SRGAP3: variants seen among roughly 807,000 people sequenced by gnomAD.
The protein encoded by SRGAP3 is SLIT-ROBO Rho GTPase activating protein 3.
In SRGAP3, 39 loss-of-function variants were observed where a neutral mutation model predicts 121.1. The ratio of observed to expected loss-of-function variants is 0.32; its 90% CI spans 0.25 to 0.42. SRGAP3 has a LOEUF of 0.42. SRGAP3 is among the 10% of genes least tolerant of loss of function. SRGAP3 has a pLI of 1.00. For missense variants in SRGAP3, 1,213 were observed against 1,470.6 expected, an observed-to-expected ratio of 0.82 and a Z score of 2.86; for synonymous variants, 601 against 570.0, an observed-to-expected ratio of 1.05 and a Z score of -0.77.
intron 2 of SRGAP3, among the ~76,000 whole-genome samples, chr3:9,111,698 A>G (rs1202694642): frequency 6.6e-6 from 1 of 152,148 alleles, no homozygotes; most frequent in Admixed American, 6.5e-5. Context: ...CCCCTTTGGA[A>G]AGTGGAACCC....
intron 12 of SRGAP3, 132 bp from the exon 13 acceptor site, chr3:9,027,127 C>T: frequency 1.2e-6 from 1 of 842,872 alleles, no homozygotes; most frequent in Non-Finnish European, 2.1e-6. Context: ...AAGCAAGGAA[C>T]TGCTAATCCT....
At chr3:9,186,003 T>C (rs1951585829) in intron 1 of SRGAP3, among the ~76,000 whole-genome samples, 3 of 152,196 alleles carry the variant, frequency 2.0e-5, no homozygotes. Context: ...AGCTAAGTGT[T>C]GGGAAAGTTC....
At chr3:9,327,049 A>G (rs1463518336) in intron 2 of SRGAP3, among the ~76,000 whole-genome samples, 3 of 151,940 alleles carry the variant, frequency 2.0e-5, no homozygotes, top group East Asian at 3.9e-4. Context: ...ATTACATAAA[A>G]ATCATTTTTA....
chr3:8,993,161 G>A (rs1266977929), intron 19 of SRGAP3, 106 bp from the exon 20 acceptor site: 2 of 1,559,492 alleles, frequency 1.3e-6, no homozygotes, highest in Admixed American at 3.5e-5. Flanking sequence ...ACAACTTATG[G>A]TTACTTTGTG....
intron 2 of SRGAP3, among the ~76,000 whole-genome samples, chr3:9,121,866 C>T (rs1214822043): frequency 2.0e-5 from 3 of 152,218 alleles, no homozygotes; most frequent in Non-Finnish European, 4.4e-5. Context: ...GACTTGCTGG[C>T]TCCAGTGGCC....
At chr3:9,206,477 C>G (rs570731376) in intron 1 of SRGAP3, among the ~76,000 whole-genome samples, 12 of 152,328 alleles carry the variant, frequency 7.9e-5, no homozygotes, top group African/African-American at 2.9e-4. Flanking sequence ...AGTCACAAAT[C>G]CCCCTGACTG....
chr3:9,203,435 T>G (rs112614316), intron 1 of SRGAP3, among the ~76,000 whole-genome samples: 61 of 152,226 alleles, frequency 4.0e-4, no homozygotes, highest in African/African-American at 1.5e-3. Flanking sequence ...ACAACTATCT[T>G]GTTCATTTAT....
chr3:9,024,051 G>C (rs1311192723), intron 14 of SRGAP3, among the ~76,000 whole-genome samples: 1 of 152,190 alleles, frequency 6.6e-6, no homozygotes, highest in Admixed American at 6.5e-5. Flanking sequence ...TGGGGTGGTA[G>C]GGGAGCTAGG....
intron 21 of SRGAP3, among the ~76,000 whole-genome samples, chr3:8,989,294 TG>T (rs927044546): frequency 2.0e-5 from 3 of 152,214 alleles, no homozygotes; most frequent in East Asian, 3.9e-4. Flanking sequence ...TCCTCAAGTA[TG>T]GGGGGGACCA....
At chr3:9,348,708 A>G (rs2125293560) in intron 1 of SRGAP3, 2 of 1,200,870 alleles carry the variant, frequency 1.7e-6, no homozygotes, top group Non-Finnish European at 1.2e-6. Context: ...CTCAATGAGC[A>G]GCACTCTGGG....
At chr3:9,269,594 A>G (rs565350776) in intron 3 of SRGAP3, among the ~76,000 whole-genome samples, 1 of 152,326 alleles carries the variant, frequency 6.6e-6, no homozygotes, top group South Asian at 2.1e-4. Context: ...CCCAGATACA[A>G]TTGAACCTCT....
chr3:9,249,072 AT>A lies in SRGAP3; in HGVS notation c.-122del. 1 of 965,706 alleles carries A rather than the reference AT, an allele frequency of 1.0e-6. No homozygotes were observed. Among genetic ancestry groups the A allele is most frequent in the Non-Finnish European group, 1.6e-6 (1 of 606,954 alleles). 59.8% of individuals were successfully genotyped at this position (965,706 alleles called of 1,614,324 possible). A position where few individuals can be genotyped will look rare whatever the true frequency, so the allele number is the denominator to read the frequency against. Reference sequence around the variant, plus strand: ...GTCGATTTCACAGGTTTAGGGACTAATCTCTTTCACTTGGCTGCAGAGCAGG... The same window carrying A: ...GTCGATTTCACAGGTTTAGGGACTAACTCTTTCACTTGGCTGCAGAGCAGG... On this transcript the variant is annotated 5_prime_UTR_variant, in exon 1 of 22. Coordinates refer to ENST00000383836, the MANE Select transcript of SRGAP3 (RefSeq NM_014850.4).
At chr3:9,156,463 A>G (rs1415043414) in intron 1 of SRGAP3, among the ~76,000 whole-genome samples, 1 of 152,178 alleles carries the variant, frequency 6.6e-6, no homozygotes, top group Non-Finnish European at 1.5e-5. Context: ...CTTGACAATG[A>G]GCTGCTGGGT....
At chr3:9,300,150 T>C (rs1460076825) in intron 3 of SRGAP3, among the ~76,000 whole-genome samples, 1 of 918 alleles carries the variant, frequency 1.1e-3, no homozygotes, top group South Asian at 0.019. Context: ...GCCACCATCG[T>C]CACCACCACC....
At chr3:9,215,890 A>G (rs533966200) in intron 1 of SRGAP3, among the ~76,000 whole-genome samples, 37 of 152,274 alleles carry the variant, frequency 2.4e-4, no homozygotes, top group Non-Finnish European at 5.3e-4. Flanking sequence ...ACACTGGCCA[A>G]CGCTCCTGGA....
At position 8,984,297 on chromosome 3, in the gene SRGAP3, G is replaced by A. The variant is rs1234647253; in HGVS notation, c.*1222C>T. The A allele has an allele frequency of 3.9e-5, 9 of 230,010 alleles. No individual in the cohort carries two copies. The highest frequency in any genetic ancestry group is 2.8e-4 in the Admixed American group (5 of 17,640). The allele number at this position is 230,010 out of a possible 1,614,324, so 14.2% of individuals were successfully genotyped here. ...TCCCTGGCCCCAGTCTGAACTGGGC[G>A]CTCACGGCTCATGCGTTTCATGCAA... On this transcript the variant is annotated 3_prime_UTR_variant, in exon 22 of 22. Coordinates refer to ENST00000383836, the MANE Select transcript of SRGAP3 (RefSeq NM_014850.4).
chr3:9,180,412 C>T (rs898064343), intron 1 of SRGAP3, among the ~76,000 whole-genome samples: 1 of 152,140 alleles, frequency 6.6e-6, no homozygotes, highest in African/African-American at 2.4e-5. Context: ...CTGTGTATTC[C>T]CCTTACCCTC....
chr3:9,254,173 A>C (rs531610314), upstream of SRGAP3, among the ~76,000 whole-genome samples: 15 of 152,238 alleles, frequency 9.9e-5, no homozygotes, highest in African/African-American at 3.4e-4. Context: ...CCCAATTCAC[A>C]ACAACCAAAA....
At chr3:9,024,978 G>GGTGCTGGTGCTGGTGGTA (rs1944115745) in intron 14 of SRGAP3, among the ~76,000 whole-genome samples, 1 of 152,206 alleles carries the variant, frequency 6.6e-6, no homozygotes, top group Admixed American at 6.5e-5. Context: ...TGCTGGTGCT[G>GGTGCTGGTGCTGGTGGTA]GTGCTGGTGC....
Sources: allele counts gnomAD v4.1 joint callset (sites outside exome capture counted in the v4.1 genomes callset), GRCh38; gene constraint gnomAD v4.1.1; transcripts MANE v1.5; gene names NCBI Gene and HGNC (gene_info 2026-07-23, HGNC 2026-07-21).